The following CAMK1G variants were observed in gnomAD, a reference collection of about 807,000 sequenced individuals.
The protein encoded by CAMK1G is calcium/calmodulin-dependent protein kinase type 1G.
A neutral mutation model predicts 54.8 loss-of-function variants in CAMK1G; 27 were observed. That is an observed-to-expected ratio of 0.49 (90% CI 0.36 to 0.68). The LOEUF is 0.68. Ranked by LOEUF, CAMK1G falls within the 30% of genes least tolerant of loss-of-function variation. The pLI, the probability that CAMK1G is intolerant of heterozygous loss-of-function variation, is 0.00. For missense variants in CAMK1G, 512 were observed against 591.0 expected, an observed-to-expected ratio of 0.87 and a Z score of 1.39; for synonymous variants, 238 against 224.9, an observed-to-expected ratio of 1.06 and a Z score of -0.52.
chr1:209,595,693 G>A (rs1459485721), intron 2 of CAMK1G, among the ~76,000 whole-genome samples: 1 of 152,172 alleles, frequency 6.6e-6, no homozygotes, highest in African/African-American at 2.4e-5. Context: ...GGACTTTTGA[G>A]GCCCAGGGAG....
chr1:209,610,658 C>A (rs1395063733), intron 9 of CAMK1G, among the ~76,000 whole-genome samples: 5 of 152,194 alleles, frequency 3.3e-5, no homozygotes, highest in African/African-American at 1.2e-4. Flanking sequence ...GGATCCAGAT[C>A]AGTCTCTGCC....
chr1:209,585,984 A>C (rs1407329900), intron 1 of CAMK1G, among the ~76,000 whole-genome samples: 1 of 152,248 alleles, frequency 6.6e-6, no homozygotes, highest in Non-Finnish European at 1.5e-5. Context: ...AAACTGAAGC[A>C]GGCAGGGGAC....
chr1:209,589,837 CAATA>C, intron 1 of CAMK1G, among the ~76,000 whole-genome samples: 1 of 152,280 alleles, frequency 6.6e-6, no homozygotes, highest in East Asian at 1.9e-4. Context: ...AGGAAGTACT[CAATA>C]AATGAATGTT....
chr1:209,584,870 C>T (rs181825124), intron 1 of CAMK1G, among the ~76,000 whole-genome samples: 26 of 152,246 alleles, frequency 1.7e-4, no homozygotes, highest in Admixed American at 1.3e-3. Context: ...TGAAACAGGC[C>T]GTAACACAGA....
chr1:209,596,650 T>TCA (rs200390460), intron 2 of CAMK1G, among the ~76,000 whole-genome samples: 5 of 139,994 alleles, frequency 3.6e-5, no homozygotes, highest in Admixed American at 7.6e-5. Context: ...GTATTTTACA[T>TCA]CACACACACA....
intron 1 of CAMK1G, among the ~76,000 whole-genome samples, chr1:209,588,769 G>A (rs1665171625): frequency 6.6e-6 from 1 of 152,214 alleles, no homozygotes; most frequent in Admixed American, 6.5e-5. Flanking sequence ...TGGAAAAGGA[G>A]GAAGGACAGA....
intron 3 of CAMK1G, among the ~76,000 whole-genome samples, chr1:209,601,635 A>G (rs1274829645): frequency 4.6e-5 from 7 of 152,230 alleles, no homozygotes; most frequent in Admixed American, 3.9e-4. Context: ...TTTGTGCTCA[A>G]TAAATGTTTG....
intron 10 of CAMK1G, 23 bp from the exon 11 acceptor site, chr1:209,611,769 A>G: frequency 6.2e-7 from 1 of 1,608,490 alleles, no homozygotes; most frequent in Non-Finnish European, 8.5e-7. Context: ...AGAAGGCCAG[A>G]GGCTGCTCTT....
chr1:209,607,955 T>C (rs760143964), intron 7 of CAMK1G, 22 bp downstream of exon 7: 1 of 1,589,068 alleles, frequency 6.3e-7, no homozygotes, highest in Non-Finnish European at 8.6e-7. Context: ...CTGGCCTGGG[T>C]TCAGCTGATG....
At chr1:209,604,858 A>G (rs936616546) in intron 4 of CAMK1G, among the ~76,000 whole-genome samples, 7 of 152,210 alleles carry the variant, frequency 4.6e-5, no homozygotes, top group Admixed American at 2.0e-4. Flanking sequence ...CATTAGGAAT[A>G]TTCCAAAAAA....
At chr1:209,592,106 G>A (rs563322427) in intron 1 of CAMK1G, among the ~76,000 whole-genome samples, 2 of 152,042 alleles carry the variant, frequency 1.3e-5, no homozygotes, top group South Asian at 4.1e-4. Flanking sequence ...CAGCACATTG[G>A]GGGGCGAAGA....
chr1:209,606,338 C>T lies in CAMK1G; in HGVS notation c.454C>T (p.Leu152Phe). 1 of 1,614,028 alleles carries T rather than the reference C, an allele frequency of 6.2e-7. No individual in the cohort carries two copies. Among genetic ancestry groups the T allele is most frequent in the African/African-American group, 1.3e-5 (1 of 75,030 alleles). ...CCTACAGCCCGAAAACCTGCTTTACCTTACCCCTGAAGAGAACTCTAAGAT... is the reference window on the plus strand; with the variant it reads ...CCTACAGCCCGAAAACCTGCTTTACTTTACCCCTGAAGAGAACTCTAAGAT... ...RDLKPENLLY[L>F]TPEENSKIMI... The change falls in exon 6 of 13, where the codon CTT becomes TTT. Residue 152 changes from leucine (L) to phenylalanine (F), a missense_variant. Leu to Phe is a conservative substitution (Grantham distance 22, BLOSUM62 0). Transcript: ENST00000361322.
chr1:209,609,471 A>T (rs1665727689), intron 8 of CAMK1G, among the ~76,000 whole-genome samples: 1 of 152,216 alleles, frequency 6.6e-6, no homozygotes, highest in Non-Finnish European at 1.5e-5. Flanking sequence ...GATGATCATT[A>T]CGTGATTGTT....
intron 6 of CAMK1G, 94 bp from the exon 7 acceptor site, chr1:209,607,764 C>T: frequency 1.0e-6 from 1 of 992,644 alleles, no homozygotes; most frequent in Non-Finnish European, 1.5e-6. Context: ...CCACAGTCTT[C>T]CCCAGACCTC....
chr1:209,608,929 C>T (rs764308165), intron 7 of CAMK1G, 51 bp from the exon 8 acceptor site: 4 of 1,607,610 alleles, frequency 2.5e-6, no homozygotes, highest in Non-Finnish European at 2.6e-6. Flanking sequence ...GAGGCTGGCT[C>T]AGGGAGGACA....
Position 209,612,039 on chromosome 1 carries a change from C to T in CAMK1G, c.1163C>T (p.Ser388Phe), listed in dbSNP as rs778110659. ...GRRPTAPGGR[S>F]LNCLVNGSLH... ...CGGCCCACTGCCCCTGGTGGCAGGTCCCTCAACTGCCTGGTCAATGGCTCC... is the reference window on the plus strand; with the variant it reads ...CGGCCCACTGCCCCTGGTGGCAGGTTCCTCAACTGCCTGGTCAATGGCTCC... The change falls in exon 11 of 13, where the codon TCC becomes TTC. Residue 388 changes from serine (S) to phenylalanine (F), a missense_variant. Coordinates refer to ENST00000361322, the MANE Select transcript of CAMK1G (RefSeq NM_020439.3). The T allele has an allele frequency of 1.3e-5, 21 of 1,614,264 alleles. No homozygotes were observed. In the South Asian group the frequency reaches 2.3e-4, roughly 18 times the overall value.
intron 3 of CAMK1G, among the ~76,000 whole-genome samples, chr1:209,600,877 A>T (rs1236730136): frequency 1.3e-5 from 2 of 152,258 alleles, no homozygotes; most frequent in African/African-American, 4.8e-5. Flanking sequence ...AATTCAGGCC[A>T]AGACTAGCAT....
At chr1:209,599,335 AT>A (rs763319332) in intron 2 of CAMK1G, among the ~76,000 whole-genome samples, 3 of 152,218 alleles carry the variant, frequency 2.0e-5, no homozygotes, top group African/African-American at 4.8e-5. Context: ...CTCTAAAAAA[AT>A]AATAAAATAA....
At position 209,603,231 on chromosome 1, in the gene CAMK1G, T is replaced by C. The variant is rs1571781662; in HGVS notation, c.239T>C (p.Ile80Thr). The change falls in exon 4 of 13, where the codon ATT becomes ACT. Residue 80 changes from isoleucine (I) to threonine (T), a missense_variant. By Grantham distance (89) the Ile-to-Thr change is moderately conservative. Coordinates refer to ENST00000361322, the MANE Select transcript of CAMK1G (RefSeq NM_020439.3). ...TTTCCCAGGATCAAGCATGAAAACATTGTGACCCTGGAGGACATCTATGAG... is the reference window on the plus strand; with the variant it reads ...TTTCCCAGGATCAAGCATGAAAACACTGTGACCCTGGAGGACATCTATGAG... Reference protein sequence around the residue: ...AVLKKIKHENIVTLEDIYEST... With the variant: ...AVLKKIKHENTVTLEDIYEST... 1.9e-6 allele frequency: 3 copies of C among 1,614,128 alleles called. No homozygotes were observed. The highest frequency in any genetic ancestry group is 1.7e-6 in the Non-Finnish European group (2 of 1,179,986).
Sources: allele counts gnomAD v4.1 joint callset (sites outside exome capture counted in the v4.1 genomes callset), GRCh38; gene constraint gnomAD v4.1.1; transcripts MANE v1.5; gene names NCBI Gene and HGNC (gene_info 2026-07-23, HGNC 2026-07-21).